Variants in CYGB observed in about 807,000 individuals in gnomAD.
CYGB encodes cytoglobin.
Under a neutral mutation model 20.7 loss-of-function variants are expected in CYGB, and 13 were observed. The ratio of observed to expected loss-of-function variants is 0.63; its 90% CI spans 0.41 to 1.00. The LOEUF is 1.00. CYGB is among the 50% of genes least tolerant of loss of function. The pLI is 0.00. For synonymous variants in CYGB, 93 were observed against 107.4 expected (o/e 0.87, Z 0.83); for missense variants, 218 against 257.2 (o/e 0.85, Z 1.04).
rs2074934291 is a variant in CYGB at position 76,537,593 on chromosome 17, C to T, written c.-51G>A. 1.9e-6 allele frequency: 2 copies of T among 1,047,698 alleles called. No individual in the cohort carries two copies. Among genetic ancestry groups the T allele is most frequent in the Admixed American group, 5.7e-5 (1 of 17,562 alleles). 64.9% of individuals were successfully genotyped at this position (1,047,698 alleles called of 1,614,324 possible). ...TTGCTCGGCGGCGGCGGTGGCGGGG[C>T]GCGGGGCGCGGGGCGCGGGGCGCCG... On this transcript the variant is annotated 5_prime_UTR_variant, in exon 1 of 4. Coordinates refer to ENST00000293230, the MANE Select transcript of CYGB (RefSeq NM_134268.5).
At chr17:76,538,388 G>T, upstream of CYGB, 1 of 389,168 alleles carries the variant, frequency 2.6e-6, no homozygotes. Flanking sequence ...GCGCACCTCC[G>T]ACCTCGGGCG....
chr17:76,538,502 G>A (rs1477453907), upstream of CYGB: 2 of 466,720 alleles, frequency 4.3e-6, no homozygotes, highest in African/African-American at 2.0e-5. Context: ...TGAATGACAC[G>A]GACAGGCAAG....
chr17:76,545,517 C>T lies in CYGB; in HGVS notation c.-53+5345G>A. On this transcript the variant is annotated intron_variant, in intron 1 of 3. Transcript: ENST00000589145. ...GAGAGCTGAGCCAAAGGGTGGGGTC[C>T]CTTCTGGTCTAGGGTGCTGGCTACT... The T allele has an allele frequency of 7.8e-6, 3 of 382,774 alleles. 1 individual carries two copies. Among genetic ancestry groups the T allele is most frequent in the Non-Finnish European group, 1.6e-5 (3 of 191,010 alleles). 23.7% of individuals were successfully genotyped at this position (382,774 alleles called of 1,614,324 possible).
upstream of CYGB, chr17:76,540,236 T>C (rs201090759): frequency 2.4e-3 from 1,206 of 500,732 alleles, 15 homozygotes; most frequent in African/African-American, 0.04. This position sits in a 1 kb window ranked among gnomAD's most constrained non-coding sequence, Gnocchi z 5.0. Context: ...GACCGGGCTA[T>C]GGCTGGCGGT....
rs560585052 is a variant in CYGB at position 76,530,251 on chromosome 17, T to TC, written c.539+727dup. Among the ~76,000 whole-genome samples, 62 of 152,040 alleles carry TC rather than the reference T, an allele frequency of 4.1e-4. No homozygotes were observed. The highest frequency in any genetic ancestry group is 1.4e-3 in the African/African-American group (57 of 41,482). On this transcript the variant is annotated intron_variant, in intron 3 of 3. Transcript: ENST00000293230. The surrounding 1 kb of genome is among the most constrained non-coding windows in gnomAD (Gnocchi z 6.1). The stretch of plus-strand genomic sequence containing the variant: ...CTCCATTCAGCTCCCAGAGTCAGCC[T>TC]CCCCTTGGGGGCCCAGGGAGGCCGA...
At chr17:76,532,328 C>T (rs2074854835) in intron 1 of CYGB, among the ~76,000 whole-genome samples, 1 of 152,154 alleles carries the variant, frequency 6.6e-6, no homozygotes, top group African/African-American at 2.4e-5. Context: ...ACATTCCTTT[C>T]TACTACCCTT....
intron 1 of CYGB, chr17:76,544,964 G>T: frequency 4.4e-6 from 2 of 456,566 alleles, no homozygotes; most frequent in Non-Finnish European, 8.8e-6. Flanking sequence ...AGGAAGGGCG[G>T]GAAAAAGAGA....
At chr17:76,536,982 T>A (rs1281687122) in intron 1 of CYGB, among the ~76,000 whole-genome samples, 1 of 152,228 alleles carries the variant, frequency 6.6e-6, no homozygotes, top group African/African-American at 2.4e-5. Flanking sequence ...GACAGGGTTC[T>A]GCTCCTCTTT....
At chr17:76,540,439 C>G (rs1051400643), upstream of CYGB, 180 of 1,558,494 alleles carry the variant, frequency 1.2e-4, no homozygotes, top group Non-Finnish European at 8.4e-5. This position sits in a 1 kb window ranked among gnomAD's most constrained non-coding sequence, Gnocchi z 5.0. Flanking sequence ...CGGCCTGGAC[C>G]TGTGGAGGGA....
In CYGB at chr17:76,530,265, C is replaced by T. The variant is rs1268793944; in HGVS notation, c.539+714G>A. Among the ~76,000 whole-genome samples the T allele has an allele frequency of 6.6e-6, 1 of 152,122 alleles. No individual in the cohort carries two copies. Among genetic ancestry groups the T allele is most frequent in the African/African-American group, 2.4e-5 (1 of 41,420 alleles). On this transcript the variant is annotated intron_variant, in intron 3 of 3. Transcript: ENST00000293230. This position sits in a 1 kb window ranked among gnomAD's most constrained non-coding sequence, Gnocchi z 6.1. ...CAGAGTCAGCCTCCCCTTGGGGGCC[C>T]AGGGAGGCCGAGTGTTCCCAACCGC... is the stretch of plus-strand genomic sequence containing the variant.
At chr17:76,534,131 T>C (rs1413138568) in intron 1 of CYGB, among the ~76,000 whole-genome samples, 1 of 142,860 alleles carries the variant, frequency 7.0e-6, no homozygotes, top group East Asian at 2.1e-4. Flanking sequence ...TCTTTCTTTC[T>C]CTCTCTCTTT....
At position 76,527,992 on chromosome 17, in the gene CYGB, T is replaced by C. The variant is rs1040058737; in HGVS notation, c.*586A>G. The C allele has an allele frequency of 3.6e-5, 13 of 360,420 alleles. No individual in the cohort carries two copies. The highest frequency in any genetic ancestry group is 2.6e-4 in the African/African-American group (12 of 46,938). The allele number at this position is 360,420 out of a possible 1,614,324, so 22.3% of individuals were successfully genotyped here. On this transcript the variant is annotated 3_prime_UTR_variant, in exon 4 of 4. Transcript: ENST00000293230. ...TCCAGGCCCAGGTCCTCTGCGCTGC[T>C]GTGGGATTTCCTCTTTGCCAGAACA... is the stretch of plus-strand genomic sequence containing the variant.
Position 76,543,228 on chromosome 17 carries a change from G to A in CYGB, c.-53+7634C>T, listed in dbSNP as rs1040961851. 1.8e-5 allele frequency: 7 copies of A among 383,398 alleles called. No homozygotes were observed. In the East Asian group the frequency reaches 2.2e-4, roughly 12 times the overall value. The allele number at this position is 383,398 out of a possible 1,614,324, so 23.7% of individuals were successfully genotyped here. A position where few individuals can be genotyped will look rare whatever the true frequency, so the allele number is the denominator to read the frequency against. On this transcript the variant is annotated intron_variant, in intron 1 of 3. Transcript: ENST00000589145. ...GCTGGGCCTGGCAGAAAGAGCAGAC[G>A]TGCTCGCTGCTCTCGGACGGGCTTC... is the stretch of plus-strand genomic sequence containing the variant.
rs749227950 is a variant in CYGB, at chr17:76,547,816, TCA to T, written c.-53+3044_-53+3045del. ...TACACACATTCACAGAGACACACAT[TCA>T]CACACACACACACAACACACATTCA... is the stretch of plus-strand genomic sequence containing the variant. On this transcript the variant is annotated intron_variant, in intron 1 of 3. Transcript: ENST00000589145. 3.5e-3 allele frequency among the ~76,000 whole-genome samples: 474 copies of T among 136,186 alleles called. 2 individuals carry two copies. The highest frequency in any genetic ancestry group is 0.013 in the South Asian group (57 of 4,294). 89.3% of individuals were successfully genotyped at this position (136,186 alleles called of 152,430 possible). A position where few individuals can be genotyped will look rare whatever the true frequency, so the allele number is the denominator to read the frequency against.
At chr17:76,544,801 T>C (rs760700959) in intron 1 of CYGB, 1 of 456,820 alleles carries the variant, frequency 2.2e-6, no homozygotes, top group South Asian at 1.5e-5. Flanking sequence ...ATTTCCGAGT[T>C]GCTCATCTCC....
In CYGB at chr17:76,528,087, C is replaced by A; in HGVS notation, c.*491G>T. 2.7e-6 allele frequency: 1 copy of A among 368,562 alleles called. No homozygotes were observed. Among genetic ancestry groups the A allele is most frequent in the South Asian group, 3.1e-5 (1 of 31,900 alleles). The allele number at this position is 368,562 out of a possible 1,614,324, so 22.8% of individuals were successfully genotyped here. A position where few individuals can be genotyped will look rare whatever the true frequency, so the allele number is the denominator to read the frequency against. On this transcript the variant is annotated 3_prime_UTR_variant, in exon 4 of 4. Transcript: ENST00000293230. The surrounding 1 kb of genome is among the most constrained non-coding windows in gnomAD (Gnocchi z 5.8). ...GGTGGGCCAAACCGAGGCTTCTGGG[C>A]GCCGCGGATACACATTCTAGATATG...
In CYGB at chr17:76,528,575, G is replaced by A. The variant is rs1482133772; in HGVS notation, c.*3C>T. 2.3e-6 allele frequency: 3 copies of A among 1,287,042 alleles called. No individual in the cohort carries two copies. The highest frequency in any genetic ancestry group is 6.2e-5 in the South Asian group (2 of 32,184). 79.7% of individuals were successfully genotyped at this position (1,287,042 alleles called of 1,614,324 possible). ...GCCAGGGAGGGGGGTGGAGTTAGGG[G>A]TCCTACGGCCCCGAAGAGGGCAGTG... On this transcript the variant is annotated 3_prime_UTR_variant, in exon 4 of 4. Coordinates refer to ENST00000293230, the MANE Select transcript of CYGB (RefSeq NM_134268.5). The surrounding 1 kb of genome is among the most constrained non-coding windows in gnomAD (Gnocchi z 5.8).
At chr17:76,538,833 T>G (rs1463040514), upstream of CYGB, among the ~76,000 whole-genome samples, 1 of 152,246 alleles carries the variant, frequency 6.6e-6, no homozygotes, top group African/African-American at 2.4e-5. Context: ...GAGATGTCAC[T>G]CAGGCTCCCG....
intron 1 of CYGB, chr17:76,543,430 T>C (rs1365698248): frequency 3.0e-6 from 1 of 336,984 alleles, no homozygotes; most frequent in Non-Finnish European, 5.8e-6. Flanking sequence ...ATAGCTCACA[T>C]TTACTAAGCA....
Sources: allele counts gnomAD v4.1 joint callset (sites outside exome capture counted in the v4.1 genomes callset), GRCh38; gene constraint gnomAD v4.1.1; non-coding constraint Gnocchi (gnomAD v3.1); transcripts MANE v1.5; gene names NCBI Gene and HGNC (gene_info 2026-07-23, HGNC 2026-07-21).